Variants in NBPF9 observed in about 807,000 individuals in gnomAD.
The protein encoded by NBPF9 is NBPF family member NBPF9.
Under a neutral mutation model 97.8 loss-of-function variants are expected in NBPF9, and 91 were observed. The observed-to-expected ratio is 0.93, with a 90% CI of 0.79 to 1.11. The LOEUF (loss-of-function observed/expected upper bound fraction) is 1.11, where lower values mean the gene tolerates loss of function less well. Among genes scored for constraint, NBPF9 ranks in the 50% least tolerant of loss-of-function variants. NBPF9 has a pLI of 0.00. For missense variants in NBPF9, 992 were observed against 939.5 expected, an observed-to-expected ratio of 1.06 and a Z score of -0.73; for synonymous variants, 334 against 359.5, an observed-to-expected ratio of 0.93 and a Z score of 0.80.
chr1:149,055,623 A>T, exon 30 of NBPF9: 1 of 1,611,638 alleles, frequency 6.2e-7, no homozygotes, highest in South Asian at 1.1e-5. Context: ...TCCTGCCTGC[A>T]GGAATGACAT....
intron 11 of NBPF9, among the ~76,000 whole-genome samples, chr1:149,076,982 G>C (rs1559531279): frequency 6.6e-6 from 1 of 151,148 alleles, no homozygotes; most frequent in East Asian, 1.9e-4. Flanking sequence ...TCTTTGTAAA[G>C]ATGGGTTTCA....
At chr1:149,075,377 C>A (rs2079769872) in intron 12 of NBPF9, among the ~76,000 whole-genome samples, 1 of 152,212 alleles carries the variant, frequency 6.6e-6, no homozygotes, top group African/African-American at 2.4e-5. Context: ...CACGATTGAG[C>A]CTCTTGGAGA....
rs587607324 is a variant in NBPF9 at position 149,071,867 on chromosome 1, G to C, written c.1307-191C>G. ...CATCAGGCAATGCATTTCTGATCTGGAGGGCCACCATCAACATGTGGCCAA... is the reference window on the plus strand; with the variant it reads ...CATCAGGCAATGCATTTCTGATCTGCAGGGCCACCATCAACATGTGGCCAA... On this transcript the variant is annotated intron_variant, in intron 14 of 29. Transcript: ENST00000584027. 4.6e-5 allele frequency among the ~76,000 whole-genome samples: 7 copies of C among 151,628 alleles called. No homozygotes were observed. In the South Asian group the frequency reaches 1.3e-3, roughly 27 times the overall value.
chr1:149,081,538 C>G (rs2080443322), intron 7 of NBPF9, among the ~76,000 whole-genome samples: 1 of 152,030 alleles, frequency 6.6e-6, no homozygotes, highest in African/African-American at 2.4e-5. Flanking sequence ...CTCAGAGTCA[C>G]TAGAACAGAG....
chr1:149,081,985 G>A (rs1332946908), exon 7 of NBPF9: 5 of 1,600,624 alleles, frequency 3.1e-6, no homozygotes, highest in Non-Finnish European at 3.4e-6. Flanking sequence ...CTGTCGGTTG[G>A]CCAGGAAGCC....
At chr1:149,072,981 T>G (rs782036650) in intron 13 of NBPF9, 49 bp from the exon 14 acceptor site, 6 of 1,577,894 alleles carry the variant, frequency 3.8e-6, no homozygotes, top group Non-Finnish European at 5.2e-6. Context: ...GGTTGAGTGA[T>G]CCGCTCAAAT....
At chr1:149,072,130 G>A (rs1553653066) in intron 14 of NBPF9, among the ~76,000 whole-genome samples, 3 of 150,250 alleles carry the variant, frequency 2.0e-5, no homozygotes, top group African/African-American at 7.4e-5. Context: ...TGTTCTTCAG[G>A]GACATTCTAT....
chr1:149,059,323 C>G lies in NBPF9; in HGVS notation c.2586-226G>C, dbSNP rs1427752173. 44 of 475,514 alleles carry G rather than the reference C, an allele frequency of 9.3e-5. 13 individuals carry two copies. Among genetic ancestry groups the G allele is most frequent in the Admixed American group, 4.5e-4 (14 of 30,778 alleles). The allele number at this position is 475,514 out of a possible 1,614,324, so 29.5% of individuals were successfully genotyped here. On this transcript the variant is annotated intron_variant, in intron 25 of 29. Transcript: ENST00000584027. ...AGAGACAGAGACAGAGAGAAAGTGACCTAGTGAATTGGCCGGGTGACACAC... is the reference window on the plus strand; with the variant it reads ...AGAGACAGAGACAGAGAGAAAGTGAGCTAGTGAATTGGCCGGGTGACACAC...
chr1:149,096,977 A>G (rs2081804868), intron 4 of NBPF9, among the ~76,000 whole-genome samples: 2 of 149,848 alleles, frequency 1.3e-5, no homozygotes, highest in African/African-American at 4.9e-5. Context: ...TTAAAAAAGT[A>G]GAACAAAAAG....
chr1:149,085,609 A>G (rs1334226722), intron 5 of NBPF9, among the ~76,000 whole-genome samples: 88 of 152,092 alleles, frequency 5.8e-4, no homozygotes, highest in African/African-American at 1.8e-3. Flanking sequence ...AATTTTTCTC[A>G]CCAATTGCTT....
At chr1:149,093,311 C>T (rs1453679889) in intron 4 of NBPF9, among the ~76,000 whole-genome samples, 2 of 151,516 alleles carry the variant, frequency 1.3e-5, no homozygotes, top group Non-Finnish European at 2.9e-5. Context: ...TACAATCGGG[C>T]TTTACACCGA....
At chr1:149,090,241 C>G (rs2152920483) in intron 5 of NBPF9, 1 of 153,996 alleles carries the variant, frequency 6.5e-6, no homozygotes, top group South Asian at 2.0e-4. Flanking sequence ...TTCTGTGACT[C>G]TGGTTTCTTT....
intron 17 of NBPF9, among the ~76,000 whole-genome samples, chr1:149,067,712 G>C (rs2079120332): frequency 1.4e-5 from 2 of 146,142 alleles, no homozygotes; most frequent in African/African-American, 5.1e-5. Flanking sequence ...GTCTATCATT[G>C]CTGGATATTT....
Position 149,070,916 on chromosome 1 carries a change from A to G in NBPF9, c.1585+18T>C, listed in dbSNP as rs1553652765. ...CAGCCTAGAGAGAGGTATGAGACAC[A>G]AGGAAAACAGAGGCTACCTGGAATA... On this transcript the variant is annotated intron_variant, in intron 16 of 29. Transcript: ENST00000584027. 5 of 1,611,956 alleles carry G rather than the reference A, an allele frequency of 3.1e-6. No individual in the cohort carries two copies. The highest frequency in any genetic ancestry group is 4.2e-6 in the Non-Finnish European group (5 of 1,179,664).
chr1:149,062,215 G>A (rs1407100896), exon 22 of NBPF9: 10 of 1,013,322 alleles, frequency 9.9e-6, no homozygotes, highest in Admixed American at 3.4e-5. Context: ...TCTACCCAGT[G>A]AGTCCTGCAA....
intron 4 of NBPF9, among the ~76,000 whole-genome samples, chr1:149,094,031 A>C (rs2081585132): frequency 6.6e-6 from 1 of 150,604 alleles, no homozygotes; most frequent in African/African-American, 2.4e-5. Flanking sequence ...GCTATTCAGG[A>C]GGCTGAGGCA....
intron 17 of NBPF9, among the ~76,000 whole-genome samples, chr1:149,068,063 G>C (rs1325501475): frequency 6.8e-6 from 1 of 146,756 alleles, no homozygotes; most frequent in Non-Finnish European, 1.5e-5. Flanking sequence ...ATCCTTTACA[G>C]AGAAGCAAAT....
intron 5 of NBPF9, among the ~76,000 whole-genome samples, chr1:149,086,324 G>A (rs2080997113): frequency 6.6e-6 from 1 of 151,124 alleles, no homozygotes; most frequent in African/African-American, 2.4e-5. Context: ...AGGCTGGAAT[G>A]TAACAAAAGC....
At position 149,070,822 on chromosome 1, in the gene NBPF9, A is replaced by G; in HGVS notation, c.1585+112T>C. The G allele has an allele frequency of 2.0e-6, 3 of 1,468,922 alleles. No individual in the cohort carries two copies. The South Asian group carries it at 3.5e-5, about 17-fold the overall frequency. 91.0% of individuals were successfully genotyped at this position (1,468,922 alleles called of 1,614,324 possible). A position where few individuals can be genotyped will look rare whatever the true frequency, so the allele number is the denominator to read the frequency against. On this transcript the variant is annotated intron_variant, in intron 16 of 29. Transcript: ENST00000584027. ...AAAAAACTCCCTGATATCTGTTTAG[A>G]AACCCATCACAGTTTTTTATTCAAA...
Sources: gnomAD v4.1 joint callset for allele counts (sites outside exome capture counted in the v4.1 genomes callset) on GRCh38, gnomAD v4.1.1 for gene constraint, MANE v1.5 for transcripts, NCBI Gene and HGNC (gene_info 2026-07-23, HGNC 2026-07-21) for gene names.